Variants in ASCC3 observed in about 807,000 individuals in gnomAD.
ASCC3 encodes ASC-1 complex subunit P200.
In ASCC3, 158 loss-of-function variants were observed where a neutral mutation model predicts 256.3. The observed-to-expected ratio is 0.62, with a 90% CI of 0.54 to 0.70. The LOEUF (loss-of-function observed/expected upper bound fraction) is 0.70. Among genes scored for constraint, ASCC3 ranks in the 30% least tolerant of loss-of-function variants. The pLI is 0.00. For synonymous variants in ASCC3, 948 were observed against 883.4 expected, an observed-to-expected ratio of 1.07 and a Z score of -1.30; for missense variants, 2,259 against 2,626.0, an observed-to-expected ratio of 0.86 and a Z score of 3.05.
chr6:100,745,226 T>G (rs1379005069), intron 10 of ASCC3, among the ~76,000 whole-genome samples: 1 of 151,274 alleles, frequency 6.6e-6, no homozygotes, highest in African/African-American at 2.4e-5. Context: ...ACTCAGGAGG[T>G]TGAGGCAAGA....
rs776918038 is a variant in ASCC3 at position 100,512,805 on chromosome 6, T to C, written c.6189A>G (p.Ala2063=). The change falls in exon 40 of 42, where the codon GCA becomes GCG. Residue 2063 remains alanine (A), a synonymous_variant. Coordinates refer to ENST00000369162, the MANE Select transcript of ASCC3 (RefSeq NM_006828.4). ...HNELSVSTLT[A]DKRDDNKWIK... ...TCCATTTGTTGTCATCTCGTTTGTCTGCAGTCAGAGTTGAGACAGAGAGTT... is the reference window on the plus strand; with the variant it reads ...TCCATTTGTTGTCATCTCGTTTGTCCGCAGTCAGAGTTGAGACAGAGAGTT... 18 of 1,614,042 alleles carry C rather than the reference T, an allele frequency of 1.1e-5. No homozygotes were observed. The Admixed American group carries it at 1.5e-4, about 13-fold the overall frequency.
intron 10 of ASCC3, among the ~76,000 whole-genome samples, chr6:100,744,153 T>C (rs1490418733): frequency 6.6e-6 from 1 of 151,830 alleles, no homozygotes; most frequent in Non-Finnish European, 1.5e-5. Context: ...CAAATCCTTT[T>C]GTGCTGATAA....
chr6:100,840,736 T>C (rs936771572), intron 4 of ASCC3, among the ~76,000 whole-genome samples: 4 of 151,860 alleles, frequency 2.6e-5, no homozygotes, highest in African/African-American at 9.7e-5. Context: ...TTTTTAAGTG[T>C]TTTTATTTTA....
intron 10 of ASCC3, among the ~76,000 whole-genome samples, chr6:100,750,888 T>C (rs1780905670): frequency 6.6e-6 from 1 of 151,982 alleles, no homozygotes; most frequent in Admixed American, 6.6e-5. Flanking sequence ...ACTCCAGAAT[T>C]GTAATTCCCA....
rs996787108 is a variant in ASCC3, at chr6:100,612,243, C to T, written c.4786-5155G>A. 2.6e-5 allele frequency among the ~76,000 whole-genome samples: 4 copies of T among 151,852 alleles called. No individual in the cohort carries two copies. The South Asian group carries it at 8.3e-4, about 31-fold the overall frequency. On this transcript the variant is annotated intron_variant, in intron 30 of 41. Coordinates refer to ENST00000369162, the MANE Select transcript of ASCC3 (RefSeq NM_006828.4). ...CTCTGTGCCTGAAATACATTCCAGTCGAATATAATTCAGTGAGTTGATGAC... is the reference window on the plus strand; with the variant it reads ...CTCTGTGCCTGAAATACATTCCAGTTGAATATAATTCAGTGAGTTGATGAC...
intron 36 of ASCC3, among the ~76,000 whole-genome samples, chr6:100,543,610 T>C (rs2114670043): frequency 6.6e-6 from 1 of 152,050 alleles, no homozygotes; most frequent in East Asian, 1.9e-4. Context: ...TCATCATGGA[T>C]AAAGACGGTA....
At chr6:100,591,933 G>A (rs1772018265) in intron 34 of ASCC3, among the ~76,000 whole-genome samples, 1 of 151,288 alleles carries the variant, frequency 6.6e-6, no homozygotes, top group Admixed American at 6.6e-5. Flanking sequence ...AAAAATTACA[G>A]GTTCTTTTAA....
At chr6:100,590,153 C>G in intron 34 of ASCC3, 94 bp from the exon 35 acceptor site, 1 of 854,924 alleles carries the variant, frequency 1.2e-6, no homozygotes, top group South Asian at 1.5e-5. Flanking sequence ...AATATAATCC[C>G]CTTTTATTAT....
chr6:100,809,152 GCTACA>G (rs1436890440), intron 4 of ASCC3, among the ~76,000 whole-genome samples: 4 of 151,222 alleles, frequency 2.6e-5, no homozygotes, highest in Non-Finnish European at 5.9e-5. Context: ...ATTCACTTTG[GCTACA>G]CTACATTTAT....
chr6:100,716,690 T>C (rs1779102335), intron 12 of ASCC3, among the ~76,000 whole-genome samples: 1 of 151,946 alleles, frequency 6.6e-6, no homozygotes, highest in African/African-American at 2.4e-5. Context: ...TATTCCAAAT[T>C]AGACATAACA....
rs1773798430 is a variant in ASCC3 at position 100,618,798 on chromosome 6, A to C, written c.4785+6394T>G. ...AGAACAGGCACTTACTTTGGATTTT[A>C]ATTCTCTTTTCCTACCAAACATGGT... On this transcript the variant is annotated intron_variant, in intron 30 of 41. Transcript: ENST00000369162. Among the ~76,000 whole-genome samples the C allele has an allele frequency of 1.3e-5, 2 of 152,256 alleles. 1 individual carries two copies. Among genetic ancestry groups the C allele is most frequent in the South Asian group, 4.2e-4 (2 of 4,812 alleles).
chr6:100,584,568 A>C (rs1329639720), intron 36 of ASCC3, among the ~76,000 whole-genome samples: 1 of 152,038 alleles, frequency 6.6e-6, no homozygotes, highest in East Asian at 1.9e-4. Context: ...TAATTGGAAC[A>C]TTTAGTCCAT....
Position 100,838,848 on chromosome 6 carries a change from G to C in ASCC3, c.801+9300C>G, listed in dbSNP as rs980673529. ...TTTCAACCATTATGTGTGTATGTAT[G>C]TATGTGCTCATGCATGCATACACAT... On this transcript the variant is annotated intron_variant, in intron 4 of 41. Transcript: ENST00000369162. 2.6e-5 allele frequency among the ~76,000 whole-genome samples: 4 copies of C among 151,978 alleles called. No individual in the cohort carries two copies. In the East Asian group the frequency reaches 5.8e-4, roughly 22 times the overall value.
At chr6:100,734,679 C>A (rs1169575109) in intron 10 of ASCC3, among the ~76,000 whole-genome samples, 1 of 152,292 alleles carries the variant, frequency 6.6e-6, no homozygotes, top group Middle Eastern at 3.4e-3. Flanking sequence ...TCCTGTACCA[C>A]CATCACTACT....
chr6:100,723,873 TATA>T (rs1361984333), intron 11 of ASCC3, among the ~76,000 whole-genome samples: 1 of 79,480 alleles, frequency 1.3e-5, no homozygotes, highest in Non-Finnish European at 2.6e-5. Context: ...TATATATATA[TATA>T]TATATATATA....
chr6:100,596,755 T>C (rs554727174), intron 34 of ASCC3, among the ~76,000 whole-genome samples: 3 of 152,308 alleles, frequency 2.0e-5, no homozygotes, highest in East Asian at 3.9e-4. Context: ...CAATATTTAT[T>C]ATTATAGTTG....
intron 37 of ASCC3, among the ~76,000 whole-genome samples, 184 bp downstream of exon 37, chr6:100,539,979 C>A (rs1775365429): frequency 6.6e-6 from 1 of 152,162 alleles, no homozygotes; most frequent in Non-Finnish European, 1.5e-5. Context: ...GTGACTAAAA[C>A]TGTCATCTTA....
intron 4 of ASCC3, among the ~76,000 whole-genome samples, chr6:100,835,012 A>G (rs553718393): frequency 4.3e-4 from 66 of 152,046 alleles, no homozygotes; most frequent in South Asian, 4.1e-3. Context: ...AATCTGGCTG[A>G]GTTTCTAGGC....
intron 36 of ASCC3, among the ~76,000 whole-genome samples, chr6:100,578,922 CGA>C (rs1771033324): frequency 6.6e-6 from 1 of 152,052 alleles, no homozygotes; most frequent in Non-Finnish European, 1.5e-5. Flanking sequence ...CTTTCCACAA[CGA>C]CTGATTTACA....
Sources: gnomAD v4.1 joint callset for allele counts (sites outside exome capture counted in the v4.1 genomes callset) on GRCh38, gnomAD v4.1.1 for gene constraint, MANE v1.5 for transcripts, NCBI Gene and HGNC (gene_info 2026-07-23, HGNC 2026-07-21) for gene names.